ZBED6: variants seen among roughly 807,000 people sequenced by gnomAD.
ZBED6 encodes zinc finger BED domain-containing protein 6.
ZBED6 carries 40 observed loss-of-function variants against 58.4 expected under a neutral mutation model. The ratio of observed to expected loss-of-function variants is 0.68; its 90% CI spans 0.53 to 0.89. ZBED6 has a LOEUF of 0.89. Among genes scored for constraint, ZBED6 ranks in the 40% least tolerant of loss-of-function variants. The pLI is 0.00. For missense variants in ZBED6, 1,057 were observed against 1,003.9 expected, an observed-to-expected ratio of 1.05 and a Z score of -0.71; for synonymous variants, 439 against 350.6, an observed-to-expected ratio of 1.25 and a Z score of -2.82.
At chr1:203,824,565 CA>C (rs1679859453) in intron 3 of ZBED6, among the ~76,000 whole-genome samples, 1 of 152,194 alleles carries the variant, frequency 6.6e-6, no homozygotes, top group Non-Finnish European at 1.5e-5. Context: ...AGTCATCTGA[CA>C]TGTGTCACAT....
At position 203,850,041 on chromosome 1, in the gene ZBED6, A is replaced by G. The variant is rs1487292722; in HGVS notation, c.*4638+15A>G. ...AAGGGGTAAAGGCAAGTATTTCTAT[A>G]CTGTGTATTGCTTTAGGTTATCAAA... On this transcript the variant is annotated intron_variant, in intron 14 of 16. Coordinates refer to ENST00000550078, the Ensembl canonical transcript of ZBED6. 1 of 1,613,178 alleles carries G rather than the reference A, an allele frequency of 6.2e-7. No homozygotes were observed. Among genetic ancestry groups the G allele is most frequent in the Non-Finnish European group, 8.5e-7 (1 of 1,179,688 alleles).
At chr1:203,827,496 T>TAA (rs1680926269) in intron 3 of ZBED6, among the ~76,000 whole-genome samples, 1 of 151,786 alleles carries the variant, frequency 6.6e-6, no homozygotes, top group African/African-American at 2.4e-5. Flanking sequence ...CTGGCTAACA[T>TAA]GGTAAAACCT....
rs754218492 is a variant in ZBED6, at chr1:203,831,670, C to T, written c.*3409C>T. The T allele has an allele frequency of 3.1e-6, 5 of 1,612,030 alleles. No individual in the cohort carries two copies. In the South Asian group the frequency reaches 5.5e-5, roughly 18 times the overall value. On this transcript the variant is annotated 3_prime_UTR_variant, in exon 8 of 17. Transcript: ENST00000550078. ...GACTTGCCTTATTCAGAGGGTTCTT[C>T]AGGAGTTTCCAGTCTTTTACTCCAC...
intron 11 of ZBED6, among the ~76,000 whole-genome samples, chr1:203,841,359 T>G (rs1686131257): frequency 6.6e-6 from 1 of 152,150 alleles, no homozygotes; most frequent in Admixed American, 6.5e-5. Context: ...TGATGACTCT[T>G]AACGAGCATG....
At chr1:203,800,392 C>T (rs1387633508) in exon 1 of ZBED6, 6 of 1,055,312 alleles carry the variant, frequency 5.7e-6, no homozygotes, top group East Asian at 2.6e-5. Context: ...GATTATTCTA[C>T]GTTGGTTCTG....
chr1:203,847,604 G>A, exon 12 of ZBED6: 2 of 1,613,550 alleles, frequency 1.2e-6, no homozygotes, highest in Non-Finnish European at 1.7e-6. Flanking sequence ...GTGCAGCAGA[G>A]CTCTGAGAGC....
At chr1:203,842,597 CGGGGAGAGGGGGAG>C (rs1456351960) in intron 11 of ZBED6, among the ~76,000 whole-genome samples, 2 of 100,688 alleles carry the variant, frequency 2.0e-5, no homozygotes, top group Non-Finnish European at 3.8e-5. Flanking sequence ...AGAGGGAGAC[CGGGGAGAGGGGGAG>C]GGGGAGGGGG....
At chr1:203,806,246 C>T (rs1329658764) in intron 1 of ZBED6, 1 of 349,146 alleles carries the variant, frequency 2.9e-6, no homozygotes. Context: ...ATTTCACTTT[C>T]CTGAAGAATC....
At chr1:203,816,820 C>T (rs12118237) in intron 1 of ZBED6, 106 bp from the exon 2 acceptor site, 253,199 of 411,392 alleles carry the variant, frequency 0.62, 82,385 homozygotes, top group Non-Finnish European at 0.68. Flanking sequence ...TAAGCAAGGT[C>T]GTATTAATAA....
intron 3 of ZBED6, among the ~76,000 whole-genome samples, chr1:203,824,146 T>C (rs1254591346): frequency 6.6e-6 from 1 of 152,008 alleles, no homozygotes; most frequent in African/African-American, 2.4e-5. Flanking sequence ...CGCAGCCATG[T>C]AGTCCCAGCT....
exon 1 of ZBED6, chr1:203,797,023 T>C (rs1668759092): frequency 6.5e-6 from 1 of 153,344 alleles, no homozygotes; most frequent in Admixed American, 6.5e-5. Context: ...ACTATGTTTT[T>C]GTTTAAATGA....
In ZBED6 at chr1:203,817,201, A is replaced by G. The variant is rs1676639234; in HGVS notation, c.*2753+77A>G. 2.3e-6 allele frequency: 3 copies of G among 1,286,160 alleles called. No individual in the cohort carries two copies. In the Admixed American group the frequency reaches 7.5e-5, roughly 32 times the overall value. The allele number at this position is 1,286,160 out of a possible 1,614,324, so 79.7% of individuals were successfully genotyped here. ...TTGGATAAGATTTTCCCAACATTTTAAGTTGTTTTTATTATATATATATTT... is the reference window on the plus strand; with the variant it reads ...TTGGATAAGATTTTCCCAACATTTTGAGTTGTTTTTATTATATATATATTT... On this transcript the variant is annotated intron_variant, in intron 2 of 16. Transcript: ENST00000550078.
chr1:203,847,194 T>G, exon 12 of ZBED6: 1 of 1,612,492 alleles, frequency 6.2e-7, no homozygotes. Context: ...ATAAAGTTAA[T>G]AAAGTTGGTG....
intron 9 of ZBED6, chr1:203,834,218 G>C (rs1683437473): frequency 1.1e-5 from 4 of 356,004 alleles, no homozygotes; most frequent in Non-Finnish European, 1.6e-5. Flanking sequence ...TAAGAAGAAA[G>C]AAGAAAGTAT....
At chr1:203,826,422 G>A (rs1222351435) in intron 3 of ZBED6, among the ~76,000 whole-genome samples, 1 of 151,404 alleles carries the variant, frequency 6.6e-6, no homozygotes, top group Non-Finnish European at 1.5e-5. Context: ...ATATTAATAG[G>A]TAATTATGCA....
chr1:203,812,718 A>T (rs1674933148), intron 1 of ZBED6, among the ~76,000 whole-genome samples: 1 of 150,848 alleles, frequency 6.6e-6, no homozygotes, highest in South Asian at 2.1e-4. Flanking sequence ...AGTAGCTGGG[A>T]TTACAGGTGT....
At chr1:203,843,424 T>C (rs928082223) in intron 11 of ZBED6, among the ~76,000 whole-genome samples, 1 of 152,252 alleles carries the variant, frequency 6.6e-6, no homozygotes, top group Non-Finnish European at 1.5e-5. Context: ...TTGGGACATA[T>C]GCCTGCATGT....
intron 9 of ZBED6, chr1:203,835,468 A>T (rs919754869): frequency 1.4e-4 from 21 of 155,262 alleles, no homozygotes; most frequent in Non-Finnish European, 5.7e-5. Flanking sequence ...AATCTCTTCT[A>T]GCTGTAAATC....
At chr1:203,850,084 A>C (rs952025817) in intron 14 of ZBED6, 58 bp downstream of exon 14, 18 of 1,526,022 alleles carry the variant, frequency 1.2e-5, no homozygotes, top group Non-Finnish European at 1.3e-5. Flanking sequence ...AATTCAACCC[A>C]ATTGTTGCCA....
Sources: allele counts gnomAD v4.1 joint callset (sites outside exome capture counted in the v4.1 genomes callset), GRCh38; gene constraint gnomAD v4.1.1; transcripts MANE v1.5; gene names NCBI Gene and HGNC (gene_info 2026-07-23, HGNC 2026-07-21).